IRAK4: variants seen among roughly 807,000 people sequenced by gnomAD.
IRAK4 encodes the protein interleukin 1 receptor associated kinase 4, also known as interleukin-1 receptor-associated kinase 4.
IRAK4 carries 44 observed loss-of-function variants against 51.8 expected under a neutral mutation model. The observed-to-expected ratio is 0.85, with a 90% CI of 0.67 to 1.09. The LOEUF is 1.09. Ranked by LOEUF, IRAK4 falls within the 50% of genes least tolerant of loss-of-function variation. The pLI is 0.00. For missense variants in IRAK4, 487 were observed against 538.0 expected, an observed-to-expected ratio of 0.91 and a Z score of 0.94; for synonymous variants, 149 against 174.1, an observed-to-expected ratio of 0.86 and a Z score of 1.13.
In IRAK4 at chr12:43,786,906, C is replaced by G. The variant is rs879661524; in HGVS notation, c.*191C>G. ...CCACCATATCAACACTTAGCCCTACCCATTAGTATCACCCCCAGTTCTTAC... is the reference window on the plus strand; with the variant it reads ...CCACCATATCAACACTTAGCCCTACGCATTAGTATCACCCCCAGTTCTTAC... On this transcript the variant is annotated 3_prime_UTR_variant, in exon 12 of 12. Coordinates refer to ENST00000613694, the MANE Select transcript of IRAK4 (RefSeq NM_016123.4). The G allele has an allele frequency of 3.3e-6, 2 of 600,378 alleles. No individual in the cohort carries two copies. The highest frequency in any genetic ancestry group is 5.9e-6 in the Non-Finnish European group (2 of 339,886). 37.2% of individuals were successfully genotyped at this position (600,378 alleles called of 1,614,324 possible). A position where few individuals can be genotyped will look rare whatever the true frequency, so the allele number is the denominator to read the frequency against.
At chr12:43,770,405 C>T (rs1053650638) in intron 2 of IRAK4, among the ~76,000 whole-genome samples, 3 of 152,084 alleles carry the variant, frequency 2.0e-5, no homozygotes, top group Non-Finnish European at 4.4e-5. Context: ...CAAATGAGAT[C>T]TGAATTTGTA....
chr12:43,772,855 T>C, intron 4 of IRAK4, 57 bp from the exon 5 acceptor site: 1 of 1,252,160 alleles, frequency 8.0e-7, no homozygotes, highest in South Asian at 1.4e-5. Context: ...GAGAAAATAT[T>C]ATAATTATTA....
chr12:43,760,916 C>A (rs1319146706), intron 1 of IRAK4: 1 of 152,024 alleles, frequency 6.6e-6, no homozygotes, highest in Non-Finnish European at 1.5e-5. Flanking sequence ...CCTAATGCTT[C>A]ATCTCCAGGG....
At chr12:43,774,527 G>A (rs1465505857) in intron 6 of IRAK4, among the ~76,000 whole-genome samples, 3 of 152,176 alleles carry the variant, frequency 2.0e-5, no homozygotes, top group Admixed American at 6.5e-5. Context: ...GATTACAGGC[G>A]TGACCACGCC....
At chr12:43,784,237 C>T (rs909327048) in intron 10 of IRAK4, among the ~76,000 whole-genome samples, 1 of 152,188 alleles carries the variant, frequency 6.6e-6, no homozygotes, top group African/African-American at 2.4e-5. Context: ...TTTGCTCTCA[C>T]ACCACAACAA....
intron 1 of IRAK4, among the ~76,000 whole-genome samples, chr12:43,761,737 C>T (rs934008293): frequency 1.3e-5 from 2 of 152,196 alleles, no homozygotes; most frequent in Non-Finnish European, 2.9e-5. Context: ...ACTTTATTAA[C>T]ACATTTGACA....
At chr12:43,783,820 A>G (rs1316561438) in intron 10 of IRAK4, 96 bp downstream of exon 10, 4 of 823,138 alleles carry the variant, frequency 4.9e-6, no homozygotes, top group Admixed American at 2.0e-5. Context: ...AACATTTTCT[A>G]TTGGCAATCT....
rs761878837 is a variant in IRAK4, at chr12:43,778,351, A to C, written c.941+49A>C. ...TTTGGAAAGCTGTCTTTAAAGAATA[A>C]TTTGCTGTCACTCTATTCACGATTC... On this transcript the variant is annotated intron_variant, in intron 8 of 11. Coordinates refer to ENST00000613694, the MANE Select transcript of IRAK4 (RefSeq NM_016123.4). The C allele has an allele frequency of 4.9e-6, 5 of 1,019,362 alleles. No individual in the cohort carries two copies. In the East Asian group the frequency reaches 1.2e-4, roughly 24 times the overall value. 63.1% of individuals were successfully genotyped at this position (1,019,362 alleles called of 1,614,324 possible).
rs1489557944 is a variant in IRAK4, at chr12:43,773,023, A to G, written c.602A>G (p.Tyr201Cys). ...GGAGAGGGAGGATTTGGAGTTGTAT[A>G]TAAAGGCTACGTAAATAACACAACT... ...KMGEGGFGVV[Y>C]KGYVNNTTVA... Residue 201 changes from tyrosine (Y) to cysteine (C), a missense_variant, in exon 5 of 12, where the codon TAT (tyrosine) becomes TGT (cysteine). Physicochemically the swap from Tyr to Cys is radical, Grantham distance 194. Coordinates refer to ENST00000613694, the MANE Select transcript of IRAK4 (RefSeq NM_016123.4). 4.3e-6 allele frequency: 7 copies of G among 1,613,268 alleles called. No homozygotes were observed. The highest frequency in any genetic ancestry group is 5.9e-6 in the Non-Finnish European group (7 of 1,179,438).
At chr12:43,767,956 T>A in intron 1 of IRAK4, 147 bp from the exon 2 acceptor site, 1 of 628,112 alleles carries the variant, frequency 1.6e-6, no homozygotes, top group East Asian at 2.8e-5. Flanking sequence ...TCTTAGGATA[T>A]CAATGACTTG....
At chr12:43,771,490 T>A in intron 3 of IRAK4, 125 bp downstream of exon 3, 3 of 982,602 alleles carry the variant, frequency 3.1e-6, no homozygotes, top group Non-Finnish European at 4.7e-6. Flanking sequence ...AGAGTCCCTT[T>A]CTTTCAGCAC....
chr12:43,767,292 G>C (rs1940253351), intron 1 of IRAK4, among the ~76,000 whole-genome samples: 1 of 152,194 alleles, frequency 6.6e-6, no homozygotes, highest in East Asian at 1.9e-4. Context: ...GAGAAGACAA[G>C]TGGAAGGATT....
At chr12:43,778,708 A>G (rs927311536) in intron 8 of IRAK4, among the ~76,000 whole-genome samples, 7 of 152,088 alleles carry the variant, frequency 4.6e-5, no homozygotes, top group Non-Finnish European at 8.8e-5. Flanking sequence ...ATATTCATAT[A>G]TAGAGCTCAA....
Position 43,771,353 on chromosome 12 carries a change from C to G in IRAK4, c.295C>G (p.Leu99Val). The change falls in exon 3 of 12, where the codon CTT becomes GTT. Residue 99 changes from leucine to valine, a missense_variant. Transcript: ENST00000613694. Reference protein sequence around the residue: ...IQNEFFAPASLLLPDAVPKTA... With the variant: ...IQNEFFAPASVLLPDAVPKTA... The stretch of plus-strand genomic sequence containing the variant: ...AAATGAATTTTTTGCTCCTGCGAGT[C>G]TTTTGCTCCCAGGTAAACTGATTGT... 6.2e-7 allele frequency: 1 copy of G among 1,614,142 alleles called. No individual in the cohort carries two copies. The highest frequency in any genetic ancestry group is 8.5e-7 in the Non-Finnish European group (1 of 1,179,988).
intron 9 of IRAK4, 60 bp downstream of exon 9, chr12:43,782,550 G>A (rs931098033): frequency 2.9e-6 from 4 of 1,381,364 alleles, no homozygotes; most frequent in Non-Finnish European, 3.0e-6. Flanking sequence ...TGAAAATGAA[G>A]AGAATATTAT....
At chr12:43,763,353 G>A (rs992396543) in intron 1 of IRAK4, 1 of 152,156 alleles carries the variant, frequency 6.6e-6, no homozygotes, top group African/African-American at 2.4e-5. Context: ...AGTGGGTTGA[G>A]TGCAGAAGCA....
chr12:43,775,475 A>T (rs748479937), intron 6 of IRAK4, among the ~76,000 whole-genome samples: 7 of 152,222 alleles, frequency 4.6e-5, no homozygotes, highest in Non-Finnish European at 1.0e-4. Context: ...TATCACTCAG[A>T]GATAACCACT....
Position 43,774,040 on chromosome 12 carries a change from A to T in IRAK4, c.716+11A>T. ...AAAAGTAATGGCAAAGTAAGTCTTA[A>T]TCTGGCAGTGCGGTGTAGTGGAAAG... On this transcript the variant is annotated intron_variant, in intron 6 of 11. Coordinates refer to ENST00000613694, the MANE Select transcript of IRAK4 (RefSeq NM_016123.4). The T allele has an allele frequency of 6.3e-7, 1 of 1,599,642 alleles. No individual in the cohort carries two copies. The highest frequency in any genetic ancestry group is 1.1e-5 in the South Asian group (1 of 90,844).
intron 3 of IRAK4, 44 bp from the exon 4 acceptor site, chr12:43,772,135 CT>C (rs1210122082): frequency 6.7e-7 from 1 of 1,499,376 alleles, no homozygotes; most frequent in Non-Finnish European, 9.3e-7. Flanking sequence ...TTCACAACCA[CT>C]TTTTCTTACT....
Sources: allele counts gnomAD v4.1 joint callset (sites outside exome capture counted in the v4.1 genomes callset), GRCh38; gene constraint gnomAD v4.1.1; transcripts MANE v1.5; gene names NCBI Gene and HGNC (gene_info 2026-07-23, HGNC 2026-07-21).